ZNF433: variants seen among roughly 807,000 people sequenced by gnomAD.
ZNF433 encodes the protein zinc finger protein 433.
Under a neutral mutation model 10.6 loss-of-function variants are expected in ZNF433, and 12 were observed. The observed-to-expected ratio is 1.13, with a 90% CI of 0.72 to 1.83. The LOEUF is 1.83. ZNF433 is among the 40% of genes most tolerant of loss of function. ZNF433 has a pLI of 0.00. For missense variants in ZNF433, 737 were observed against 798.0 expected (o/e 0.92, Z 0.92); for synonymous variants, 272 against 271.3 (o/e 1.00, Z -0.02).
intron 1 of ZNF433, chr19:12,026,557 G>T (rs1397366063): frequency 8.2e-6 from 3 of 365,570 alleles, no homozygotes; most frequent in Non-Finnish European, 1.6e-5. Flanking sequence ...ATAATGCCTG[G>T]ATGTGATCAC....
intron 1 of ZNF433, 171 bp from the exon 2 acceptor site, chr19:12,018,463 G>A: frequency 1.4e-6 from 1 of 700,636 alleles, no homozygotes; most frequent in Non-Finnish European, 2.1e-6. Context: ...AAGTAATTCT[G>A]AGGCTACAAC....
rs200904369 is a variant in ZNF433, at chr19:12,015,057, G to A, written c.1801C>T (p.Arg601Ter). Residue 601 changes from arginine to a stop codon, truncating the protein, a stop_gained, in exon 4 of 4, where the codon CGA (arginine) becomes TGA (stop). Transcript: ENST00000550507. LOFTEE classifies it low-confidence loss of function (END_TRUNC). Reference protein sequence around the residue: ...QCGKSFGCASRLQMHGRTHTG... With the variant: ...QCGKSFGCAS ...TGAGTCCTTCCATGCATTTGAAGTC[G>A]CGAGGCACATCCAAAAGACTTCCCA... 243 of 1,612,324 alleles carry A rather than the reference G, an allele frequency of 1.5e-4. 1 individual carries two copies. Among genetic ancestry groups the A allele is most frequent in the East Asian group, 5.6e-4 (25 of 44,718 alleles).
chr19:12,017,779 T>A, intron 3 of ZNF433, 97 bp downstream of exon 3: 1 of 816,640 alleles, frequency 1.2e-6, no homozygotes, highest in Non-Finnish European at 1.9e-6. Flanking sequence ...ATTGAAATTG[T>A]GCTTATTTCT....
intron 1 of ZNF433, among the ~76,000 whole-genome samples, chr19:12,034,024 G>A (rs1975160928): frequency 6.6e-6 from 1 of 152,134 alleles, no homozygotes; most frequent in Non-Finnish European, 1.5e-5. Flanking sequence ...GTTAACTGGG[G>A]AGTGTTGAAA....
intron 1 of ZNF433, among the ~76,000 whole-genome samples, chr19:12,031,598 C>G (rs868777965): frequency 6.6e-6 from 1 of 151,910 alleles, no homozygotes; most frequent in Non-Finnish European, 1.5e-5. Context: ...GAGCCAAGAT[C>G]GTGCCACTGC....
intron 1 of ZNF433, among the ~76,000 whole-genome samples, chr19:12,030,827 C>T (rs1599375381): frequency 1.3e-5 from 2 of 152,230 alleles, no homozygotes; most frequent in South Asian, 2.1e-4. Flanking sequence ...GCCTGTAATC[C>T]CAGCACTTTT....
In ZNF433 at chr19:12,035,407, G is replaced by A. The variant is rs1332041256; in HGVS notation, c.3+130C>T. On this transcript the variant is annotated intron_variant, in intron 1 of 3. Coordinates refer to ENST00000550507, the MANE Select transcript of ZNF433 (RefSeq NM_001308348.2). ...TGGGGCCAAGGGGACCAAGGGCCGA[G>A]CTGTCCCACGGGAAATCGGGTCCCA... is the stretch of plus-strand genomic sequence containing the variant. The A allele has an allele frequency of 1.8e-5, 24 of 1,326,880 alleles. No individual in the cohort carries two copies. The East Asian group carries it at 5.9e-4, about 33-fold the overall frequency. The allele number at this position is 1,326,880 out of a possible 1,614,324, so 82.2% of individuals were successfully genotyped here. A position where few individuals can be genotyped will look rare whatever the true frequency, so the allele number is the denominator to read the frequency against.
chr19:12,035,197 C>CT (rs1261196261), intron 1 of ZNF433, among the ~76,000 whole-genome samples: 4 of 152,212 alleles, frequency 2.6e-5, no homozygotes, highest in Admixed American at 2.0e-4. Flanking sequence ...CACCCTCCTC[C>CT]TACACAAACC....
At position 12,024,971 on chromosome 19, in the gene ZNF433, G is replaced by A. The variant is rs747777565; in HGVS notation, c.4-6679C>T. ...ATTAGCTGACTTTGTGGGTATTCTC[G>A]ATAATCATTTTCCTAAAAGAAAACT... On this transcript the variant is annotated intron_variant, in intron 1 of 3. Coordinates refer to ENST00000550507, the MANE Select transcript of ZNF433 (RefSeq NM_001308348.2). 14 of 152,108 alleles carry A rather than the reference G, an allele frequency of 9.2e-5. No homozygotes were observed. The South Asian group carries it at 2.3e-3, about 25-fold the overall frequency. The allele number at this position is 152,108 out of a possible 1,614,324, so 9.4% of individuals were successfully genotyped here. A position where few individuals can be genotyped will look rare whatever the true frequency, so the allele number is the denominator to read the frequency against.
At chr19:12,026,616 A>G (rs2145455893) in intron 1 of ZNF433, 1 of 437,692 alleles carries the variant, frequency 2.3e-6, no homozygotes, top group Admixed American at 2.4e-5. Context: ...TTACCATAAT[A>G]ATCTGCTCCT....
chr19:12,018,476 A>T (rs1271452020), intron 1 of ZNF433, 184 bp from the exon 2 acceptor site: 1 of 588,064 alleles, frequency 1.7e-6, no homozygotes, highest in African/African-American at 1.9e-5. Flanking sequence ...GCTACAACTG[A>T]ACCATGTGGT....
In ZNF433 at chr19:12,031,793, C is replaced by T. The variant is rs548673611; in HGVS notation, c.3+3744G>A. Among the ~76,000 whole-genome samples the T allele has an allele frequency of 2.9e-4, 44 of 150,690 alleles. 1 individual carries two copies. The highest frequency in any genetic ancestry group is 2.3e-3 in the Admixed American group (34 of 15,098). On this transcript the variant is annotated intron_variant, in intron 1 of 3. Coordinates refer to ENST00000550507, the MANE Select transcript of ZNF433 (RefSeq NM_001308348.2). The stretch of plus-strand genomic sequence containing the variant: ...TGAGCCCAGCTACTCGGGAGGCTCA[C>T]GATGATTGCTTGAGCCCAGGAGGTC...
chr19:12,022,393 A>G (rs1259517665), intron 1 of ZNF433, among the ~76,000 whole-genome samples: 2 of 152,170 alleles, frequency 1.3e-5, no homozygotes, highest in African/African-American at 4.8e-5. Context: ...CGTGGCTCTC[A>G]GCTCTGAAGG....
At chr19:12,025,258 T>C (rs1445335682) in intron 1 of ZNF433, 6 of 152,220 alleles carry the variant, frequency 3.9e-5, no homozygotes, top group Admixed American at 3.9e-4. Flanking sequence ...TCCACACCAT[T>C]AGCTGAAAAT....
Position 12,015,928 on chromosome 19 carries a change from C to G in ZNF433, c.930G>C (p.Lys310Asn). Residue 310 changes from lysine to asparagine, a missense_variant, in exon 4 of 4, where the codon AAG becomes AAC. Transcript: ENST00000550507. ...THTGEKPYEC[K>N]ECGKAFKCPS... ...GACACTTGAATGCTTTTCCACATTC[C>G]TTACATTCATATGGCTTCTCCCCCG... The G allele has an allele frequency of 6.2e-7, 1 of 1,614,034 alleles. No homozygotes were observed. Among genetic ancestry groups the G allele is most frequent in the Non-Finnish European group, 8.5e-7 (1 of 1,179,988 alleles).
intron 1 of ZNF433, chr19:12,026,585 C>T: frequency 2.5e-6 from 1 of 407,898 alleles, no homozygotes; most frequent in Non-Finnish European, 4.9e-6. Context: ...CACAGTTACA[C>T]ATGCTTTCTG....
At position 12,017,904 on chromosome 19, in the gene ZNF433, C is replaced by CT; in HGVS notation, c.162dup (p.Glu55ArgfsTer18). 1.9e-6 allele frequency: 3 copies of CT among 1,593,270 alleles called. No individual in the cohort carries two copies. Among genetic ancestry groups the CT allele is most frequent in the Non-Finnish European group, 2.6e-6 (3 of 1,174,256 alleles). ...AGGTTTCTCCTTAGATTTTCGTACT[C>CT]TACATATATGTTCTGGGGTTTCCAT... On this transcript the variant is annotated frameshift_variant, in exon 3 of 4. Transcript: ENST00000550507. LOFTEE classifies it low-confidence loss of function (END_TRUNC).
rs1974280017 is a variant in ZNF433 at position 12,017,742 on chromosome 19, T to C, written c.191+134A>G. 9 of 665,116 alleles carry C rather than the reference T, an allele frequency of 1.4e-5. No individual in the cohort carries two copies. The South Asian group carries it at 1.5e-4, about 11-fold the overall frequency. 41.2% of individuals were successfully genotyped at this position (665,116 alleles called of 1,614,324 possible). A position where few individuals can be genotyped will look rare whatever the true frequency, so the allele number is the denominator to read the frequency against. The stretch of plus-strand genomic sequence containing the variant: ...CCTACATCACACTTCAATATGTGTT[T>C]AGAGAAAATTTTCTAAGAATAAATA... On this transcript the variant is annotated intron_variant, in intron 3 of 3. Coordinates refer to ENST00000550507, the MANE Select transcript of ZNF433 (RefSeq NM_001308348.2).
intron 1 of ZNF433, among the ~76,000 whole-genome samples, chr19:12,021,021 C>T (rs989358843): frequency 1.4e-4 from 21 of 150,348 alleles, no homozygotes; most frequent in South Asian, 6.4e-4. Context: ...CACTCTGCCA[C>T]CCGGGCTGGA....
Sources: gnomAD v4.1 joint callset for allele counts (sites outside exome capture counted in the v4.1 genomes callset) on GRCh38, gnomAD v4.1.1 for gene constraint, MANE v1.5 for transcripts, NCBI Gene and HGNC (gene_info 2026-07-23, HGNC 2026-07-21) for gene names.